Variants in FGF12 observed in about 807,000 individuals in gnomAD.
The protein encoded by FGF12 is fibroblast growth factor 12.
Under a neutral mutation model 23.6 loss-of-function variants are expected in FGF12, and 14 were observed. The ratio of observed to expected loss-of-function variants is 0.59; its 90% CI spans 0.39 to 0.93. The LOEUF (loss-of-function observed/expected upper bound fraction) is 0.93, where lower values mean the gene tolerates loss of function less well. FGF12 is among the 40% of genes least tolerant of loss of function. The pLI is 0.00. For synonymous variants in FGF12, 62 were observed against 77.3 expected, an observed-to-expected ratio of 0.80 and a Z score of 1.04; for missense variants, 175 against 217.8, an observed-to-expected ratio of 0.80 and a Z score of 1.24.
At chr3:192,700,090 G>A (rs1442286656) in intron 2 of FGF12, among the ~76,000 whole-genome samples, 1 of 152,148 alleles carries the variant, frequency 6.6e-6, no homozygotes, top group East Asian at 1.9e-4. Context: ...ATGCCTGAGG[G>A]TGGTAATTAG....
At chr3:192,298,619 G>A (rs1425860537) in intron 4 of FGF12, among the ~76,000 whole-genome samples, 1 of 152,122 alleles carries the variant, frequency 6.6e-6, no homozygotes, top group African/African-American at 2.4e-5. Context: ...CAGGTGTGGT[G>A]CATGTCTGTA....
chr3:192,710,673 C>T (rs1466264693), intron 2 of FGF12, among the ~76,000 whole-genome samples: 8 of 152,188 alleles, frequency 5.3e-5, no homozygotes, highest in African/African-American at 4.8e-5. Context: ...GTTTTTAGGA[C>T]GGTATTATAA....
intron 2 of FGF12, among the ~76,000 whole-genome samples, chr3:192,617,348 C>A (rs1485945732): frequency 6.6e-6 from 1 of 151,984 alleles, no homozygotes; most frequent in Non-Finnish European, 1.5e-5. Flanking sequence ...GTTGGAGGAT[C>A]AAGTTTTATG....
At chr3:192,668,790 C>CAG (rs1259287039) in intron 2 of FGF12, among the ~76,000 whole-genome samples, 1 of 152,114 alleles carries the variant, frequency 6.6e-6, no homozygotes, top group Non-Finnish European at 1.5e-5. Flanking sequence ...TGAAAAAGCT[C>CAG]AGCAATGGGA....
intron 2 of FGF12, chr3:192,515,160 A>G (rs1724625941): frequency 6.6e-6 from 1 of 152,106 alleles, no homozygotes; most frequent in Admixed American, 6.5e-5. Flanking sequence ...GTGCCCTGGG[A>G]GCCCGACTAC....
intron 2 of FGF12, chr3:192,726,930 C>T (rs1461218359): frequency 9.2e-6 from 5 of 543,946 alleles, no homozygotes; most frequent in East Asian, 8.5e-5. Context: ...CTCTCCCCAC[C>T]TCCCCCCAAA....
At chr3:192,262,479 T>C (rs1445635738) in intron 4 of FGF12, among the ~76,000 whole-genome samples, 1 of 152,168 alleles carries the variant, frequency 6.6e-6, no homozygotes, top group Non-Finnish European at 1.5e-5. Context: ...CATAACGATG[T>C]TTTGGTCAAC....
At chr3:192,469,390 C>G (rs1057507173) in intron 2 of FGF12, among the ~76,000 whole-genome samples, 1 of 152,186 alleles carries the variant, frequency 6.6e-6, no homozygotes, top group Non-Finnish European at 1.5e-5. Context: ...CTATTAAATA[C>G]TATGAATTCC....
At chr3:192,657,217 T>A (rs1397495065) in intron 2 of FGF12, among the ~76,000 whole-genome samples, 1 of 152,136 alleles carries the variant, frequency 6.6e-6, no homozygotes, top group Non-Finnish European at 1.5e-5. Context: ...GAACATAATT[T>A]AATCTTCCCT....
intron 2 of FGF12, among the ~76,000 whole-genome samples, chr3:192,626,752 G>T (rs898328819): frequency 6.6e-6 from 1 of 151,976 alleles, no homozygotes; most frequent in Non-Finnish European, 1.5e-5. Context: ...AGCTAGGTGT[G>T]CTCCACCATG....
At chr3:192,334,981 C>CT (rs1484164866) in intron 4 of FGF12, among the ~76,000 whole-genome samples, 2 of 152,044 alleles carry the variant, frequency 1.3e-5, no homozygotes, top group African/African-American at 2.4e-5. Context: ...AGGACAGAGA[C>CT]TATTTCCAGA....
intron 2 of FGF12, among the ~76,000 whole-genome samples, chr3:192,560,224 TTAAC>T (rs1711962611): frequency 1.3e-5 from 2 of 152,138 alleles, no homozygotes; most frequent in South Asian, 4.1e-4. Flanking sequence ...ATGATCCAGT[TTAAC>T]TAAGTCTTAG....
intron 2 of FGF12, among the ~76,000 whole-genome samples, chr3:192,627,798 T>C (rs1715227555): frequency 6.6e-6 from 1 of 152,104 alleles, no homozygotes; most frequent in South Asian, 2.1e-4. Flanking sequence ...TACCAAGATA[T>C]TAACATTTAT....
intron 4 of FGF12, among the ~76,000 whole-genome samples, chr3:192,243,158 C>A (rs920139303): frequency 4.0e-5 from 6 of 151,860 alleles, no homozygotes; most frequent in African/African-American, 1.5e-4. Context: ...AAGATGTTAA[C>A]CTTAAATATA....
At chr3:192,413,746 T>C (rs1207204263) in intron 2 of FGF12, among the ~76,000 whole-genome samples, 1 of 152,216 alleles carries the variant, frequency 6.6e-6, no homozygotes, top group East Asian at 1.9e-4. Flanking sequence ...CAAAGAAGTC[T>C]AGCTCTGCTC....
chr3:192,598,107 T>G (rs1713940664), intron 2 of FGF12, among the ~76,000 whole-genome samples: 1 of 152,202 alleles, frequency 6.6e-6, no homozygotes, highest in African/African-American at 2.4e-5. Context: ...TCTTCTGTGA[T>G]TTGTAGTAAA....
intron 2 of FGF12, among the ~76,000 whole-genome samples, chr3:192,722,884 A>C (rs534591145): frequency 6.6e-6 from 1 of 152,340 alleles, no homozygotes; most frequent in East Asian, 1.9e-4. Context: ...ATTCTCAGAA[A>C]TAAGCACATT....
intron 4 of FGF12, among the ~76,000 whole-genome samples, chr3:192,232,372 T>C (rs921585041): frequency 6.6e-6 from 1 of 152,172 alleles, no homozygotes; most frequent in African/African-American, 2.4e-5. Context: ...TTTTTTCTAA[T>C]AGAGTACAGA....
chr3:192,160,655 T>G (rs1212347217), intron 5 of FGF12, among the ~76,000 whole-genome samples: 1 of 152,184 alleles, frequency 6.6e-6, no homozygotes, highest in African/African-American at 2.4e-5. Context: ...TGCTATCAAG[T>G]CAAAATTGTC....
Sources: gnomAD v4.1 joint callset for allele counts (sites outside exome capture counted in the v4.1 genomes callset) on GRCh38, gnomAD v4.1.1 for gene constraint, MANE v1.5 for transcripts, NCBI Gene and HGNC (gene_info 2026-07-23, HGNC 2026-07-21) for gene names.